KLF7: variants seen among roughly 807,000 people sequenced by gnomAD.
KLF7 encodes Krueppel-like factor 7.
In KLF7, 2 loss-of-function variants were observed where a neutral mutation model predicts 27.3. That is an observed-to-expected ratio of 0.07 (90% CI 0.03 to 0.23). The LOEUF is 0.23. KLF7 is among the 10% of genes least tolerant of loss of function. The pLI, the probability that KLF7 is intolerant of heterozygous loss-of-function variation, is 1.00. For missense variants in KLF7, 221 were observed against 394.1 expected (o/e 0.56, Z 3.72); for synonymous variants, 165 against 162.4 (o/e 1.02, Z -0.12).
Position 207,075,963 on chromosome 2 carries a change from A to AAT in KLF7, c.*5249_*5250insAT, listed in dbSNP as rs1269980829. ...CCTCCAGTCCAAAGGCCTAGGTTTA[A>AAT]AATGTCCCCTCTGCCCACCCCCAAC... On this transcript the variant is annotated 3_prime_UTR_variant, in exon 4 of 4. Coordinates refer to ENST00000309446, the MANE Select transcript of KLF7 (RefSeq NM_003709.4). 6.6e-6 allele frequency: 1 copy of AAT among 152,080 alleles called. No homozygotes were observed. The highest frequency in any genetic ancestry group is 1.5e-5 in the Non-Finnish European group (1 of 68,030). The allele number at this position is 152,080 out of a possible 1,614,324, so 9.4% of individuals were successfully genotyped here.
upstream of KLF7, among the ~76,000 whole-genome samples, chr2:207,169,075 T>C (rs1304134346): frequency 2.0e-5 from 3 of 152,192 alleles, no homozygotes; most frequent in Non-Finnish European, 2.9e-5. Context: ...GTGCATGTAA[T>C]TTGCTCATTA....
rs1160789005 is a variant in KLF7 at position 207,137,642 on chromosome 2, T to C, written c.103-13238A>G. Among the ~76,000 whole-genome samples the C allele has an allele frequency of 1.3e-5, 2 of 152,186 alleles. 1 individual carries two copies. The highest frequency in any genetic ancestry group is 2.9e-5 in the Non-Finnish European group (2 of 68,022). ...AAGAGTGGAGGATGGAAATATGGAA[T>C]ATAAGCAGTACAGGGTTCCTATGAG... is the stretch of plus-strand genomic sequence containing the variant. On this transcript the variant is annotated intron_variant, in intron 1 of 3. Coordinates refer to ENST00000309446, the MANE Select transcript of KLF7 (RefSeq NM_003709.4).
At chr2:207,112,949 C>G (rs2077075865) in intron 2 of KLF7, among the ~76,000 whole-genome samples, 1 of 152,208 alleles carries the variant, frequency 6.6e-6, no homozygotes, top group Non-Finnish European at 1.5e-5. Context: ...AGGGCATGTG[C>G]TGTGCACATC....
At chr2:207,171,912 G>A (rs575788055), upstream of KLF7, among the ~76,000 whole-genome samples, 152 of 152,220 alleles carry the variant, frequency 1.0e-3, 1 homozygote, top group African/African-American at 3.4e-3. Flanking sequence ...CAATATTTAC[G>A]TTGTTAGTAT....
intron 1 of KLF7, among the ~76,000 whole-genome samples, chr2:207,140,720 T>C (rs1274465799): frequency 6.6e-6 from 1 of 152,160 alleles, no homozygotes; most frequent in Admixed American, 6.5e-5. Flanking sequence ...ATTAAAGTAG[T>C]TGTGTCTATA....
At chr2:207,161,689 A>G (rs944955172) in intron 1 of KLF7, among the ~76,000 whole-genome samples, 8 of 152,160 alleles carry the variant, frequency 5.3e-5, no homozygotes, top group Admixed American at 2.6e-4. Flanking sequence ...TCCCCTAGAG[A>G]TTCCTTATAC....
intron 2 of KLF7, among the ~76,000 whole-genome samples, chr2:207,116,150 A>C (rs938385816): frequency 6.6e-6 from 1 of 152,252 alleles, no homozygotes; most frequent in Non-Finnish European, 1.5e-5. Flanking sequence ...GTCGTGCAGC[A>C]GAGCTTAGTG....
chr2:207,136,193 G>T (rs191012998), intron 1 of KLF7, among the ~76,000 whole-genome samples: 1 of 152,184 alleles, frequency 6.6e-6, no homozygotes, highest in Admixed American at 6.5e-5. Context: ...AAAAATGGAT[G>T]AACCACACTC....
chr2:207,160,299 G>A (rs1388194654), intron 1 of KLF7, among the ~76,000 whole-genome samples: 1 of 152,166 alleles, frequency 6.6e-6, no homozygotes, highest in Non-Finnish European at 1.5e-5. Flanking sequence ...ACTGGACAGA[G>A]GAAATCTCTG....
upstream of KLF7, among the ~76,000 whole-genome samples, chr2:207,172,197 C>T (rs897306315): frequency 6.6e-6 from 1 of 152,124 alleles, no homozygotes; most frequent in Non-Finnish European, 1.5e-5. Context: ...CTAAGAAGGT[C>T]ACTCTCTGAC....
chr2:207,155,709 G>A (rs779613119), intron 1 of KLF7, among the ~76,000 whole-genome samples: 2 of 152,172 alleles, frequency 1.3e-5, no homozygotes, highest in Non-Finnish European at 2.9e-5. Flanking sequence ...ACCTTAAGCA[G>A]CATCTCATCA....
upstream of KLF7, chr2:207,166,714 G>T (rs868686386): frequency 1.4e-5 from 11 of 812,856 alleles, no homozygotes; most frequent in Middle Eastern, 6.1e-4. Context: ...TGGGCACGGG[G>T]CAGGGACCCG....
rs1023090320 is a variant in KLF7 at position 207,078,336 on chromosome 2, T to C, written c.*2877A>G. 6.6e-6 allele frequency: 1 copy of C among 152,138 alleles called. No homozygotes were observed. The highest frequency in any genetic ancestry group is 1.5e-5 in the Non-Finnish European group (1 of 68,018). The allele number at this position is 152,138 out of a possible 1,614,324, so 9.4% of individuals were successfully genotyped here. ...AGCAGATTACAAAGGACCTCACTGA[T>C]ACAAAAGAGAGAGAAATTACTGAAC... is the stretch of plus-strand genomic sequence containing the variant. On this transcript the variant is annotated 3_prime_UTR_variant, in exon 4 of 4. Coordinates refer to ENST00000309446, the MANE Select transcript of KLF7 (RefSeq NM_003709.4).
At chr2:207,123,724 G>A (rs758454991) in intron 2 of KLF7, 50 bp downstream of exon 2, 1 of 1,561,548 alleles carries the variant, frequency 6.4e-7, no homozygotes, top group East Asian at 2.2e-5. Flanking sequence ...ACATGACGAG[G>A]CTACAGGAGG....
chr2:207,165,870 A>T lies in KLF7; in HGVS notation c.-302T>A, dbSNP rs2078693732. ...AGTAACAATTCCCTTCCAGGGCTCT[A>T]ATCACTCCAGCTCGTGGATCAGGAA... is the stretch of plus-strand genomic sequence containing the variant. On this transcript the variant is annotated 5_prime_UTR_variant, in exon 1 of 4. Coordinates refer to ENST00000309446, the MANE Select transcript of KLF7 (RefSeq NM_003709.4). The T allele has an allele frequency of 1.5e-5, 18 of 1,236,176 alleles. 1 individual carries two copies. In the South Asian group the frequency reaches 3.6e-4, roughly 25 times the overall value. 76.6% of individuals were successfully genotyped at this position (1,236,176 alleles called of 1,614,324 possible). A position where few individuals can be genotyped will look rare whatever the true frequency, so the allele number is the denominator to read the frequency against.
At chr2:207,130,059 T>C (rs562957786) in intron 1 of KLF7, among the ~76,000 whole-genome samples, 77 of 152,334 alleles carry the variant, frequency 5.1e-4, no homozygotes, top group African/African-American at 1.7e-3. Flanking sequence ...CATCACCAAT[T>C]ACGTGGAACT....
At chr2:207,148,202 G>C (rs2078149477) in intron 1 of KLF7, among the ~76,000 whole-genome samples, 1 of 152,178 alleles carries the variant, frequency 6.6e-6, no homozygotes, top group African/African-American at 2.4e-5. Flanking sequence ...CCTGATCCCA[G>C]AATTTAATTT....
At chr2:207,138,650 T>C (rs1325242130) in intron 1 of KLF7, among the ~76,000 whole-genome samples, 5 of 152,238 alleles carry the variant, frequency 3.3e-5, no homozygotes, top group African/African-American at 4.8e-5. Flanking sequence ...AATTCTTTTT[T>C]GGCATGACAA....
At chr2:207,168,234 A>G (rs190900480), upstream of KLF7, among the ~76,000 whole-genome samples, 198 of 152,340 alleles carry the variant, frequency 1.3e-3, no homozygotes, top group African/African-American at 4.6e-3. Context: ...CATTATAACA[A>G]TTTTTGAATA....
Sources: allele counts gnomAD v4.1 joint callset (sites outside exome capture counted in the v4.1 genomes callset), GRCh38; gene constraint gnomAD v4.1.1; transcripts MANE v1.5; gene names NCBI Gene and HGNC (gene_info 2026-07-23, HGNC 2026-07-21).